Variants in BMP6 observed in about 807,000 individuals in gnomAD.
BMP6 encodes bone morphogenetic protein 6.
Under a neutral mutation model 54.1 loss-of-function variants are expected in BMP6, and 17 were observed. The observed-to-expected ratio is 0.31, with a 90% CI of 0.22 to 0.47. BMP6 has a LOEUF of 0.47. BMP6 is among the 20% of genes least tolerant of loss of function. The pLI is 1.00. For missense variants in BMP6, 720 were observed against 690.4 expected, an observed-to-expected ratio of 1.04 and a Z score of -0.48; for synonymous variants, 328 against 291.2, an observed-to-expected ratio of 1.13 and a Z score of -1.28.
Position 7,762,200 on chromosome 6 carries a change from G to A in BMP6, c.664+34581G>A, listed in dbSNP as rs972692259. Among the ~76,000 whole-genome samples, 5 of 152,310 alleles carry A rather than the reference G, an allele frequency of 3.3e-5. No individual in the cohort carries two copies. In the South Asian group the frequency reaches 8.3e-4, roughly 25 times the overall value. ...GCCTCCCAAAGTGCTGGCATTACAG[G>A]TCTGAGCCACTGCACCTGGCCAACC... On this transcript the variant is annotated intron_variant, in intron 1 of 6. Coordinates refer to ENST00000283147, the MANE Select transcript of BMP6 (RefSeq NM_001718.6).
intron 1 of BMP6, among the ~76,000 whole-genome samples, chr6:7,823,377 T>G (rs1758645387): frequency 6.6e-6 from 1 of 152,110 alleles, no homozygotes; most frequent in African/African-American, 2.4e-5. Flanking sequence ...ATGAAGACAA[T>G]AAATTTGAGA....
intron 1 of BMP6, among the ~76,000 whole-genome samples, chr6:7,779,259 C>A (rs970901352): frequency 1.3e-5 from 2 of 152,076 alleles, no homozygotes; most frequent in Non-Finnish European, 2.9e-5. Context: ...GGGGGATGCT[C>A]AAGTTATCAG....
intron 1 of BMP6, among the ~76,000 whole-genome samples, chr6:7,800,618 C>CTAT (rs1327945542): frequency 6.6e-6 from 1 of 152,106 alleles, no homozygotes; most frequent in East Asian, 1.9e-4. Context: ...CTCTCCCCTA[C>CTAT]TATAAAAGCA....
intron 1 of BMP6, among the ~76,000 whole-genome samples, chr6:7,791,271 A>G (rs1432188523): frequency 6.6e-6 from 1 of 152,186 alleles, no homozygotes; most frequent in African/African-American, 2.4e-5. Context: ...ACGACTTTGG[A>G]CGATCCTAAA....
chr6:7,833,269 A>G (rs1758818673), intron 1 of BMP6, among the ~76,000 whole-genome samples: 1 of 152,222 alleles, frequency 6.6e-6, no homozygotes, highest in Admixed American at 6.5e-5. Context: ...ATGTGACAGG[A>G]ACCAAATTTT....
chr6:7,861,299 C>T (rs1247338906), intron 2 of BMP6, 152 bp from the exon 3 acceptor site: 10 of 967,186 alleles, frequency 1.0e-5, no homozygotes, highest in African/African-American at 1.6e-5. Flanking sequence ...TGGTACCACG[C>T]CTTTCAGGGC....
rs191639603 is a variant in BMP6, at chr6:7,729,385, G to T, written c.664+1766G>T. ...TGGGGAAATGTTTTATTGCCTCTTG[G>T]GGGTAGTCCTAACCTGGACAAAGGG... On this transcript the variant is annotated intron_variant, in intron 1 of 6. Coordinates refer to ENST00000283147, the MANE Select transcript of BMP6 (RefSeq NM_001718.6). 5.0e-3 allele frequency among the ~76,000 whole-genome samples: 756 copies of T among 150,068 alleles called. 4 individuals are homozygous for T. Among genetic ancestry groups the T allele is most frequent in the African/African-American group, 0.017 (703 of 40,842 alleles).
At chr6:7,736,936 C>T (rs1281449875) in intron 1 of BMP6, among the ~76,000 whole-genome samples, 1 of 152,108 alleles carries the variant, frequency 6.6e-6, no homozygotes, top group African/African-American at 2.4e-5. Flanking sequence ...ACCTGTAATC[C>T]CAGCACTTTG....
chr6:7,840,700 G>T (rs1251055175), intron 1 of BMP6, among the ~76,000 whole-genome samples: 1 of 152,024 alleles, frequency 6.6e-6, no homozygotes, highest in East Asian at 1.9e-4. Context: ...GCAGTTTGTT[G>T]TTTTGTTTTT....
At chr6:7,839,503 C>T (rs1010270754) in intron 1 of BMP6, among the ~76,000 whole-genome samples, 2 of 152,218 alleles carry the variant, frequency 1.3e-5, no homozygotes, top group African/African-American at 2.4e-5. Flanking sequence ...ATACCATTCT[C>T]CTTTCTATCT....
chr6:7,782,222 T>C (rs564189596), intron 1 of BMP6, among the ~76,000 whole-genome samples: 1 of 142,968 alleles, frequency 7.0e-6, no homozygotes, highest in South Asian at 2.1e-4. Flanking sequence ...ACCTTCTTCA[T>C]TGAGATAGGG....
intron 1 of BMP6, among the ~76,000 whole-genome samples, chr6:7,732,456 C>G (rs117237758): frequency 6.6e-6 from 1 of 152,192 alleles, no homozygotes; most frequent in Non-Finnish European, 1.5e-5. Context: ...TTTAAATGTG[C>G]TGAATCATGG....
chr6:7,769,326 G>T (rs2113152667), intron 1 of BMP6, among the ~76,000 whole-genome samples: 1 of 152,312 alleles, frequency 6.6e-6, no homozygotes, highest in East Asian at 1.9e-4. Flanking sequence ...CACCTGGAGA[G>T]CTTTGAAAAG....
At position 7,880,774 on chromosome 6, in the gene BMP6, T is replaced by C. The variant is rs1759706655; in HGVS notation, c.*431T>C. ...TTCAGTACTGTCTATCAAAGGTAGATTTTACAGAGAACAGAAATCGGGGAA... is the reference window on the plus strand; with the variant it reads ...TTCAGTACTGTCTATCAAAGGTAGACTTTACAGAGAACAGAAATCGGGGAA... On this transcript the variant is annotated 3_prime_UTR_variant, in exon 7 of 7. Transcript: ENST00000283147. The C allele has an allele frequency of 5.1e-6, 1 of 196,180 alleles. No homozygotes were observed. Among genetic ancestry groups the C allele is most frequent in the South Asian group, 1.0e-4 (1 of 9,556 alleles). 12.2% of individuals were successfully genotyped at this position (196,180 alleles called of 1,614,324 possible). A position where few individuals can be genotyped will look rare whatever the true frequency, so the allele number is the denominator to read the frequency against.
At chr6:7,808,916 A>AAAG (rs1208695950) in intron 1 of BMP6, among the ~76,000 whole-genome samples, 4 of 144,100 alleles carry the variant, frequency 2.8e-5, no homozygotes, top group African/African-American at 1.0e-4. Flanking sequence ...CCTGTCTCTA[A>AAAG]AAAAAAAAAA....
intron 4 of BMP6, among the ~76,000 whole-genome samples, chr6:7,866,138 T>C (rs1422161681): frequency 2.6e-5 from 4 of 152,236 alleles, no homozygotes; most frequent in African/African-American, 9.6e-5. Flanking sequence ...CACTTGCCCT[T>C]GCTTCTCTGC....
Position 7,727,469 on chromosome 6 carries a change from C to T in BMP6, c.514C>T (p.Arg172Trp). 2.5e-6 allele frequency: 4 copies of T among 1,595,384 alleles called. No individual in the cohort carries two copies. The highest frequency in any genetic ancestry group is 3.4e-6 in the Non-Finnish European group (4 of 1,174,970). The change falls in exon 1 of 7, where the codon CGG (arginine) becomes TGG (tryptophan). Residue 172 changes from arginine (R) to tryptophan (W), a missense_variant. By Grantham distance (101) the Arg-to-Trp change is moderately radical (BLOSUM62 -3). Transcript: ENST00000283147. The stretch of plus-strand genomic sequence containing the variant: ...CGAAGCAGCCAGCTCGTCCCAGCGT[C>T]GGCAGCCGCCCCCGGGCGCCGCGCA... ...PHEAASSSQR[R>W]QPPPGAAHPL...
At chr6:7,862,548 G>A (rs1344327797) in intron 4 of BMP6, 50 bp downstream of exon 4, 1 of 1,604,088 alleles carries the variant, frequency 6.2e-7, no homozygotes, top group Non-Finnish European at 8.5e-7. Flanking sequence ...TGGCCTCAGT[G>A]AGAACAAAAG....
At chr6:7,768,793 A>G (rs1164277234) in intron 1 of BMP6, among the ~76,000 whole-genome samples, 2 of 152,316 alleles carry the variant, frequency 1.3e-5, no homozygotes, top group East Asian at 3.9e-4. Context: ...TTGAGCGGGA[A>G]AGGAACATTT....
Sources: gnomAD v4.1 joint callset for allele counts (sites outside exome capture counted in the v4.1 genomes callset) on GRCh38, gnomAD v4.1.1 for gene constraint, MANE v1.5 for transcripts, NCBI Gene and HGNC (gene_info 2026-07-23, HGNC 2026-07-21) for gene names.